The following PCDHGA11 variants were observed in gnomAD, a reference collection of about 807,000 sequenced individuals.
PCDHGA11 encodes protocadherin gamma-A11.
Under a neutral mutation model 60.4 loss-of-function variants are expected in PCDHGA11, and 39 were observed. That is an observed-to-expected ratio of 0.65 (90% CI 0.50 to 0.84). The LOEUF (loss-of-function observed/expected upper bound fraction) is 0.84, where lower values mean the gene tolerates loss of function less well. Among genes scored for constraint, PCDHGA11 ranks in the 40% least tolerant of loss-of-function variants. The probability of loss-of-function intolerance (pLI) is 0.00; values close to 1 mark genes in which losing one functional copy is unlikely to be tolerated. For synonymous variants in PCDHGA11, 533 were observed against 510.3 expected (o/e 1.04, Z -0.60); for missense variants, 1,165 against 1,197.7 (o/e 0.97, Z 0.40).
rs768847018 is a variant in PCDHGA11 at position 141,431,426 on chromosome 5, A to C, written c.2433+7766A>C. On this transcript the variant is annotated intron_variant, in intron 1 of 3. Transcript: ENST00000398587. The surrounding 1 kb of genome is among the most constrained non-coding windows in gnomAD (Gnocchi z 4.8). ...CTCCGACGGGGGCGACCCGGTGCGCACAGGCACCGCGCGCATCCGCGTGAT... is the reference window on the plus strand; with the variant it reads ...CTCCGACGGGGGCGACCCGGTGCGCCCAGGCACCGCGCGCATCCGCGTGAT... 6.2e-7 allele frequency: 1 copy of C among 1,613,666 alleles called. No individual in the cohort carries two copies. The highest frequency in any genetic ancestry group is 1.1e-5 in the South Asian group (1 of 91,078).
chr5:141,444,238 C>T (rs1011385887), intron 1 of PCDHGA11, among the ~76,000 whole-genome samples: 6 of 125,052 alleles, frequency 4.8e-5, no homozygotes, highest in Non-Finnish European at 9.4e-5. Context: ...ATGGCATGCT[C>T]TCGGCTCACT....
Position 141,477,020 on chromosome 5 carries a change from G to C in PCDHGA11, c.2434-17787G>C, listed in dbSNP as rs1383192345. The C allele has an allele frequency of 6.2e-7, 1 of 1,614,224 alleles. No homozygotes were observed. The highest frequency in any genetic ancestry group is 8.5e-7 in the Non-Finnish European group (1 of 1,180,048). On this transcript the variant is annotated intron_variant, in intron 1 of 3. Coordinates refer to ENST00000398587, the MANE Select transcript of PCDHGA11 (RefSeq NM_018914.3). The surrounding 1 kb of genome is among the most constrained non-coding windows in gnomAD (Gnocchi z 4.9). ...ACTATTCGCCTTAGACCTTGTAACC[G>C]GGATGCTGACAATCAAGGGTCGGCT...
intron 1 of PCDHGA11, chr5:141,479,478 G>T (rs760475025): frequency 2.6e-5 from 4 of 152,408 alleles, no homozygotes; most frequent in African/African-American, 9.6e-5. Context: ...TCTTGGGAGG[G>T]CAGGACCATC....
chr5:141,477,582 A>T lies in PCDHGA11; in HGVS notation c.2434-17225A>T, dbSNP rs567486170. The T allele has an allele frequency of 6.2e-7, 1 of 1,614,190 alleles. No individual in the cohort carries two copies. The highest frequency in any genetic ancestry group is 2.2e-5 in the East Asian group (1 of 44,888). ...GTCTGGGACCCCGACGCCCCGCAGA[A>T]TGCTCGGCTTTCTTTCTTTCTCTTG... On this transcript the variant is annotated intron_variant, in intron 1 of 3. Transcript: ENST00000398587. The surrounding 1 kb of genome is among the most constrained non-coding windows in gnomAD (Gnocchi z 4.9).
At chr5:141,464,883 T>G (rs995385615) in intron 1 of PCDHGA11, among the ~76,000 whole-genome samples, 1 of 152,086 alleles carries the variant, frequency 6.6e-6, no homozygotes, top group African/African-American at 2.4e-5. Flanking sequence ...GGACTACAGA[T>G]GGATGCCACC....
Position 141,446,243 on chromosome 5 carries a change from C to T in PCDHGA11, c.2433+22583C>T, listed in dbSNP as rs552551215. Among the ~76,000 whole-genome samples, 23 of 152,096 alleles carry T rather than the reference C, an allele frequency of 1.5e-4. 1 individual carries two copies. The South Asian group carries it at 4.6e-3, about 30-fold the overall frequency. On this transcript the variant is annotated intron_variant, in intron 1 of 3. Coordinates refer to ENST00000398587, the MANE Select transcript of PCDHGA11 (RefSeq NM_018914.3). ...TTGTGTTGCCTGGCAAGTGGTAGAT[C>T]TTCAGTGAAATATTATTAACTGAAT...
intron 1 of PCDHGA11, among the ~76,000 whole-genome samples, chr5:141,438,637 C>G (rs11958903): frequency 3.2e-5 from 1 of 30,940 alleles, no homozygotes. Context: ...TATATATATA[C>G]ACACACACAC....
intron 1 of PCDHGA11, among the ~76,000 whole-genome samples, chr5:141,472,409 C>T (rs2099279484): frequency 6.6e-6 from 1 of 152,016 alleles, no homozygotes; most frequent in South Asian, 2.1e-4. Flanking sequence ...GGCGTGGTGG[C>T]ACGCACCTGT....
At chr5:141,424,055 C>T (rs2096796946) in intron 1 of PCDHGA11, 1 of 1,007,784 alleles carries the variant, frequency 9.9e-7, no homozygotes. Flanking sequence ...TTTTGCTGTG[C>T]CTTCACTGAT....
At position 141,430,761 on chromosome 5, in the gene PCDHGA11, T is replaced by C. The variant is rs769012885; in HGVS notation, c.2433+7101T>C. The C allele has an allele frequency of 2.0e-6, 3 of 1,506,132 alleles. No individual in the cohort carries two copies. The African/African-American group carries it at 4.2e-5, about 21-fold the overall frequency. The allele number at this position is 1,506,132 out of a possible 1,614,324, so 93.3% of individuals were successfully genotyped here. ...AAATAATTCTGGAGGAAGATAAGAATGATTCCTGCGCGACTGCACCGGGAC... is the reference window on the plus strand; with the variant it reads ...AAATAATTCTGGAGGAAGATAAGAACGATTCCTGCGCGACTGCACCGGGAC... On this transcript the variant is annotated intron_variant, in intron 1 of 3. Coordinates refer to ENST00000398587, the MANE Select transcript of PCDHGA11 (RefSeq NM_018914.3).
chr5:141,498,103 G>C (rs2099781622), intron 2 of PCDHGA11, among the ~76,000 whole-genome samples: 1 of 152,216 alleles, frequency 6.6e-6, no homozygotes. Context: ...GGTGGTGTGG[G>C]CGTATAATAG....
rs202162316 is a variant in PCDHGA11, at chr5:141,490,194, T to C, written c.2434-4613T>C. ...TTGAGGAGTCACGTTTCTATGAAAT[T>C]CATGCAAGAGCCCGTGACCAGGGAC... is the stretch of plus-strand genomic sequence containing the variant. On this transcript the variant is annotated intron_variant, in intron 1 of 3. Transcript: ENST00000398587. The surrounding 1 kb of genome is among the most constrained non-coding windows in gnomAD (Gnocchi z 5.4). The C allele has an allele frequency of 8.1e-6, 13 of 1,614,186 alleles. No individual in the cohort carries two copies. The highest frequency in any genetic ancestry group is 1.1e-5 in the Non-Finnish European group (13 of 1,180,030).
rs146574799 is a variant in PCDHGA11, at chr5:141,487,337, G to A, written c.2434-7470G>A. The A allele has an allele frequency of 1.4e-5, 23 of 1,614,054 alleles. No individual in the cohort carries two copies. The highest frequency in any genetic ancestry group is 3.3e-5 in the Admixed American group (2 of 60,002). The stretch of plus-strand genomic sequence containing the variant: ...TAAGTGTCTTCGTGGGGCAGCCTGT[G>A]GAGTCACATGCTTTCCTGCTGGCAC... On this transcript the variant is annotated intron_variant, in intron 1 of 3. Coordinates refer to ENST00000398587, the MANE Select transcript of PCDHGA11 (RefSeq NM_018914.3). The surrounding 1 kb of genome is among the most constrained non-coding windows in gnomAD (Gnocchi z 5.0).
chr5:141,467,063 T>C (rs1405374001), intron 1 of PCDHGA11, among the ~76,000 whole-genome samples: 2 of 151,716 alleles, frequency 1.3e-5, no homozygotes, highest in African/African-American at 2.4e-5. Flanking sequence ...TTCTTTTTTT[T>C]TTTTTTTTAG....
chr5:141,478,726 G>A, intron 1 of PCDHGA11: 2 of 1,540,996 alleles, frequency 1.3e-6, no homozygotes, highest in Non-Finnish European at 1.8e-6. Context: ...GCCTGCCAGA[G>A]TGTGGTTTGT....
At chr5:141,497,540 C>T (rs866982821) in intron 2 of PCDHGA11, among the ~76,000 whole-genome samples, 5 of 134,944 alleles carry the variant, frequency 3.7e-5, no homozygotes, top group African/African-American at 1.1e-4. Context: ...TGCAACAAAC[C>T]TTTTTTTTTT....
intron 1 of PCDHGA11, among the ~76,000 whole-genome samples, chr5:141,446,280 A>G (rs1011084291): frequency 2.6e-5 from 4 of 152,162 alleles, no homozygotes; most frequent in South Asian, 2.1e-4. Context: ...AATACAATGG[A>G]TAAATGGGGA....
intron 1 of PCDHGA11, among the ~76,000 whole-genome samples, chr5:141,458,921 C>CG (rs2098956905): frequency 6.6e-6 from 1 of 151,960 alleles, no homozygotes; most frequent in African/African-American, 2.4e-5. Flanking sequence ...TTTGTGGAGA[C>CG]GGGGTCTCAC....
rs1413324509 is a variant in PCDHGA11 at position 141,431,464 on chromosome 5, G to T, written c.2433+7804G>T. The T allele has an allele frequency of 6.2e-7, 1 of 1,613,782 alleles. No homozygotes were observed. The highest frequency in any genetic ancestry group is 2.2e-5 in the East Asian group (1 of 44,880). ...GCATCCGCGTGATGGTTCTGGATGC[G>T]AACGACAACGCACCAGCGTTTGCTC... On this transcript the variant is annotated intron_variant, in intron 1 of 3. Transcript: ENST00000398587. This position sits in a 1 kb window ranked among gnomAD's most constrained non-coding sequence, Gnocchi z 4.8.
Sources: allele counts gnomAD v4.1 joint callset (sites outside exome capture counted in the v4.1 genomes callset), GRCh38; gene constraint gnomAD v4.1.1; non-coding constraint Gnocchi (gnomAD v3.1); transcripts MANE v1.5; gene names NCBI Gene and HGNC (gene_info 2026-07-23, HGNC 2026-07-21).